SH3PXD2A: variants seen among roughly 807,000 people sequenced by gnomAD.
SH3PXD2A encodes the protein SH3 and PX domains 2A.
A neutral mutation model predicts 115.2 loss-of-function variants in SH3PXD2A; 32 were observed. The observed-to-expected ratio is 0.28, with a 90% CI of 0.21 to 0.37. The LOEUF (loss-of-function observed/expected upper bound fraction) is 0.37, where lower values mean the gene tolerates loss of function less well. SH3PXD2A is among the 10% of genes least tolerant of loss of function. The pLI, the probability that SH3PXD2A is intolerant of heterozygous loss-of-function variation, is 1.00. For synonymous variants in SH3PXD2A, 610 were observed against 629.1 expected, an observed-to-expected ratio of 0.97 and a Z score of 0.45; for missense variants, 1,328 against 1,498.7, an observed-to-expected ratio of 0.89 and a Z score of 1.88.
chr10:103,603,712 G>T lies in SH3PXD2A; in HGVS notation c.1506C>A (p.Ile502=), dbSNP rs748216122. 6.2e-7 allele frequency: 1 copy of T among 1,610,936 alleles called. No homozygotes were observed. Residue 502 remains isoleucine (I), a synonymous_variant, in exon 15 of 15, where the codon ATC becomes ATA. Transcript: ENST00000369774. ...EKEGWAPASY[I]DKRKKPNLSR... is the part of the protein sequence containing the mutation. ...TCAGGTTGGGCTTCTTGCGCTTATC[G>T]ATGTATGATGCGGGGGCCCAGCCCT...
At chr10:103,679,544 G>T (rs1246246478) in intron 6 of SH3PXD2A, among the ~76,000 whole-genome samples, 3 of 152,216 alleles carry the variant, frequency 2.0e-5, no homozygotes, top group Admixed American at 2.0e-4. Context: ...TGGAGGAAGG[G>T]TGGGGGAGAG....
chr10:103,636,406 C>A (rs1481006719), intron 8 of SH3PXD2A, among the ~76,000 whole-genome samples: 74 of 130,454 alleles, frequency 5.7e-4, no homozygotes, highest in Non-Finnish European at 9.1e-4. Context: ...GAGACTCCAT[C>A]TTAAGAAAAA....
intron 1 of SH3PXD2A, among the ~76,000 whole-genome samples, chr10:103,847,800 G>T (rs946343113): frequency 1.3e-5 from 2 of 152,166 alleles, no homozygotes; most frequent in East Asian, 3.9e-4. Context: ...TTAGCTGCGT[G>T]TGGTGGTGCA....
chr10:103,854,455 T>C (rs1842922162), intron 1 of SH3PXD2A, among the ~76,000 whole-genome samples: 1 of 152,128 alleles, frequency 6.6e-6, no homozygotes, highest in Admixed American at 6.5e-5. Flanking sequence ...CAGTCAACCT[T>C]AACCCCTTCT....
At chr10:103,801,570 C>CACA (rs3221859) in intron 1 of SH3PXD2A, among the ~76,000 whole-genome samples, 1 of 150,848 alleles carries the variant, frequency 6.6e-6, no homozygotes, top group African/African-American at 2.4e-5. Flanking sequence ...CACACACATA[C>CACA]CCCTAGAGGG....
At position 103,597,896 on chromosome 10, in the gene SH3PXD2A, T is replaced by C. The variant is rs1223412265; in HGVS notation, c.*3920A>G. 2 of 152,494 alleles carry C rather than the reference T, an allele frequency of 1.3e-5. No homozygotes were observed. The highest frequency in any genetic ancestry group is 2.9e-5 in the Non-Finnish European group (2 of 68,046). The allele number at this position is 152,494 out of a possible 1,614,324, so 9.4% of individuals were successfully genotyped here. A position where few individuals can be genotyped will look rare whatever the true frequency, so the allele number is the denominator to read the frequency against. Reference sequence around the variant, plus strand: ...AAAAATAGGGGTTATTTTATCTTTTTCCCCTTATTAAAAACAAGAACTACC... The same window carrying C: ...AAAAATAGGGGTTATTTTATCTTTTCCCCCTTATTAAAAACAAGAACTACC... On this transcript the variant is annotated 3_prime_UTR_variant, in exon 15 of 15. Coordinates refer to ENST00000369774, the MANE Select transcript of SH3PXD2A (RefSeq NM_001394015.1).
intron 10 of SH3PXD2A, among the ~76,000 whole-genome samples, chr10:103,621,575 A>G (rs534732001): frequency 4.9e-4 from 74 of 152,308 alleles, no homozygotes; most frequent in African/African-American, 1.6e-3. Flanking sequence ...GCTTCCAGAA[A>G]GGCCAGTGTT....
chr10:103,676,828 G>A (rs940067933), intron 6 of SH3PXD2A, among the ~76,000 whole-genome samples: 1 of 152,072 alleles, frequency 6.6e-6, no homozygotes, highest in South Asian at 2.1e-4. Flanking sequence ...TTTGTTCTGA[G>A]TTCCAGGATC....
At chr10:103,619,334 G>A (rs928652869) in intron 10 of SH3PXD2A, among the ~76,000 whole-genome samples, 4 of 152,182 alleles carry the variant, frequency 2.6e-5, no homozygotes, top group Non-Finnish European at 4.4e-5. Context: ...GCTCAGCGGC[G>A]GCCAGAGGGG....
Position 103,797,719 on chromosome 10 carries a change from G to C in SH3PXD2A, c.153+3563C>G, listed in dbSNP as rs370391524. Among the ~76,000 whole-genome samples the C allele has an allele frequency of 2.6e-5, 4 of 151,708 alleles. No homozygotes were observed. The East Asian group carries it at 5.8e-4, about 22-fold the overall frequency. ...TGCTTCAGATCTTAGAATCTGGGAG[G>C]GGGTGGGGAGTGTGGGGGTGAGGGG... On this transcript the variant is annotated intron_variant, in intron 2 of 14. Coordinates refer to ENST00000369774, the MANE Select transcript of SH3PXD2A (RefSeq NM_001394015.1).
intron 8 of SH3PXD2A, among the ~76,000 whole-genome samples, chr10:103,632,000 C>T (rs1426496416): frequency 6.6e-6 from 1 of 152,106 alleles, no homozygotes; most frequent in Non-Finnish European, 1.5e-5. Context: ...ATGTCTCATC[C>T]TGACACTTCC....
At chr10:103,728,882 TTTG>T (rs1564874609) in intron 4 of SH3PXD2A, among the ~76,000 whole-genome samples, 35 of 131,788 alleles carry the variant, frequency 2.7e-4, no homozygotes, top group East Asian at 6.6e-4. Context: ...AGTTGTTTTT[TTTG>T]TTTGTTTGTT....
rs564001906 is a variant in SH3PXD2A, at chr10:103,671,268, C to G, written c.428-2616G>C. Among the ~76,000 whole-genome samples, 79 of 152,286 alleles carry G rather than the reference C, an allele frequency of 5.2e-4. 1 individual carries two copies. Among genetic ancestry groups the G allele is most frequent in the Admixed American group, 4.3e-3 (66 of 15,302 alleles). The stretch of plus-strand genomic sequence containing the variant: ...TCTGTTGAGACTACTCAACTCTATT[C>G]TTATAGTACAAAAGCAGCCACAGGC... On this transcript the variant is annotated intron_variant, in intron 6 of 14. Transcript: ENST00000369774.
At chr10:103,776,524 G>A (rs945412259) in intron 2 of SH3PXD2A, among the ~76,000 whole-genome samples, 8 of 151,142 alleles carry the variant, frequency 5.3e-5, no homozygotes, top group African/African-American at 1.9e-4. Context: ...CACAAACTAG[G>A]TGTCTTAGCA....
Position 103,761,945 on chromosome 10 carries a change from G to A in SH3PXD2A, c.229+5149C>T, listed in dbSNP as rs191622376. On this transcript the variant is annotated intron_variant, in intron 3 of 14. Coordinates refer to ENST00000369774, the MANE Select transcript of SH3PXD2A (RefSeq NM_001394015.1). ...AAATGGGGATAAAGCCACCTGCAGT[G>A]AGACTGGAGGGAAGGTATGCAGAGT... is the stretch of plus-strand genomic sequence containing the variant. 8.4e-4 allele frequency among the ~76,000 whole-genome samples: 128 copies of A among 151,738 alleles called. 1 individual carries two copies. The highest frequency in any genetic ancestry group is 5.8e-3 in the Admixed American group (89 of 15,254).
chr10:103,806,470 G>T (rs990271915), intron 1 of SH3PXD2A, among the ~76,000 whole-genome samples: 1 of 152,102 alleles, frequency 6.6e-6, no homozygotes, highest in African/African-American at 2.4e-5. Flanking sequence ...AAACTTCAGA[G>T]AGAAACCACA....
intron 6 of SH3PXD2A, among the ~76,000 whole-genome samples, chr10:103,674,881 C>A (rs1465949235): frequency 1.3e-5 from 2 of 152,048 alleles, no homozygotes; most frequent in African/African-American, 4.8e-5. Context: ...AAAACAAAAA[C>A]AAACACCAAT....
intron 10 of SH3PXD2A, among the ~76,000 whole-genome samples, chr10:103,618,944 G>T (rs2036562150): frequency 6.6e-6 from 1 of 152,236 alleles, no homozygotes; most frequent in Non-Finnish European, 1.5e-5. Context: ...GCTGAGCCGA[G>T]ATAGCAGCTC....
chr10:103,719,927 C>T (rs1279596043), intron 5 of SH3PXD2A, among the ~76,000 whole-genome samples: 1 of 152,116 alleles, frequency 6.6e-6, no homozygotes. Context: ...GCCATGTTGG[C>T]CAGGCTGATT....
Sources: allele counts gnomAD v4.1 joint callset (sites outside exome capture counted in the v4.1 genomes callset), GRCh38; gene constraint gnomAD v4.1.1; transcripts MANE v1.5; gene names NCBI Gene and HGNC (gene_info 2026-07-23, HGNC 2026-07-21).